GABRB3: variants seen among roughly 807,000 people sequenced by gnomAD.
GABRB3 encodes gamma-aminobutyric acid receptor subunit beta-3.
Under a neutral mutation model 52.1 loss-of-function variants are expected in GABRB3, and 14 were observed. The observed-to-expected ratio is 0.27, with a 90% CI of 0.18 to 0.42. The LOEUF (loss-of-function observed/expected upper bound fraction) is 0.42. Ranked by LOEUF, GABRB3 falls within the 10% of genes least tolerant of loss-of-function variation. The pLI is 1.00. For missense variants in GABRB3, 307 were observed against 609.1 expected (o/e 0.50, Z 5.22); for synonymous variants, 260 against 232.3 (o/e 1.12, Z -1.08).
intron 4 of GABRB3, among the ~76,000 whole-genome samples, chr15:26,587,588 A>G (rs1423500145): frequency 6.6e-6 from 1 of 152,106 alleles, no homozygotes; most frequent in African/African-American, 2.4e-5. Context: ...TGTTGCAGAA[A>G]TCATCGAATG....
At chr15:26,620,768 G>A (rs1376552817) in intron 4 of GABRB3, among the ~76,000 whole-genome samples, 2 of 146,596 alleles carry the variant, frequency 1.4e-5, no homozygotes, top group Non-Finnish European at 1.5e-5. Flanking sequence ...CTGGGACTCA[G>A]GAAGGCAGCC....
At chr15:26,634,724 A>G (rs1892999152) in intron 3 of GABRB3, among the ~76,000 whole-genome samples, 1 of 151,860 alleles carries the variant, frequency 6.6e-6, no homozygotes, top group African/African-American at 2.4e-5. Flanking sequence ...TATAATATGA[A>G]TGAATTTCTG....
intron 3 of GABRB3, among the ~76,000 whole-genome samples, chr15:26,739,813 C>T (rs938063785): frequency 6.6e-6 from 1 of 152,154 alleles, no homozygotes; most frequent in Non-Finnish European, 1.5e-5. Flanking sequence ...GACTATCCAT[C>T]GTTTATCTTT....
chr15:26,551,029 A>G (rs1889443894), intron 8 of GABRB3, among the ~76,000 whole-genome samples: 2 of 152,224 alleles, frequency 1.3e-5, no homozygotes, highest in African/African-American at 4.8e-5. Context: ...GAGAAAGGCA[A>G]ACACCGTTCC....
chr15:26,599,347 G>T (rs1421411768), intron 4 of GABRB3, among the ~76,000 whole-genome samples: 1 of 152,116 alleles, frequency 6.6e-6, no homozygotes, highest in Admixed American at 6.5e-5. Flanking sequence ...CAACAAAAAG[G>T]TGATTCCACA....
At chr15:26,727,681 C>G (rs529276746) in intron 3 of GABRB3, among the ~76,000 whole-genome samples, 4 of 152,176 alleles carry the variant, frequency 2.6e-5, no homozygotes, top group African/African-American at 9.7e-5. Flanking sequence ...TCTCAGCCAT[C>G]GCTGTAGCCA....
chr15:26,761,976 G>A (rs1207750669), intron 3 of GABRB3, among the ~76,000 whole-genome samples: 3 of 152,146 alleles, frequency 2.0e-5, no homozygotes, highest in Non-Finnish European at 2.9e-5. Flanking sequence ...GGGATTACAG[G>A]AGAGTGCAAT....
rs563940454 is a variant in GABRB3, at chr15:26,768,021, TA to T, written c.240+4380del. Among the ~76,000 whole-genome samples the T allele has an allele frequency of 2.0e-3, 305 of 151,938 alleles. 1 individual carries two copies. Among genetic ancestry groups the T allele is most frequent in the African/African-American group, 6.4e-3 (267 of 41,444 alleles). The stretch of plus-strand genomic sequence containing the variant: ...GCACACTTATTTCACACCTACACAT[TA>T]AAAAAATGGATTTTATAAGAAAATG... On this transcript the variant is annotated intron_variant, in intron 3 of 8. Coordinates refer to ENST00000311550, the MANE Select transcript of GABRB3 (RefSeq NM_000814.6).
intron 3 of GABRB3, among the ~76,000 whole-genome samples, chr15:26,724,825 G>T (rs927833520): frequency 6.6e-6 from 1 of 152,072 alleles, no homozygotes; most frequent in Admixed American, 6.5e-5. Flanking sequence ...ATAAATTCTT[G>T]TTCCCTTTGC....
intron 3 of GABRB3, chr15:26,642,459 G>A (rs1819429035): frequency 2.3e-6 from 3 of 1,287,836 alleles, no homozygotes; most frequent in Non-Finnish European, 3.0e-6. Context: ...TCCTGGAAAG[G>A]AAAAAATGAA....
intron 3 of GABRB3, among the ~76,000 whole-genome samples, chr15:26,730,372 C>T (rs1273690708): frequency 1.4e-5 from 2 of 142,760 alleles, no homozygotes; most frequent in African/African-American, 5.2e-5. Context: ...GAGCCGAGAT[C>T]GCGCCACTGC....
intron 3 of GABRB3, among the ~76,000 whole-genome samples, chr15:26,628,265 A>T (rs994954305): frequency 6.6e-6 from 1 of 152,262 alleles, no homozygotes; most frequent in Non-Finnish European, 1.5e-5. Context: ...AACCTGCAGT[A>T]TCTCTGAGGG....
At chr15:26,668,404 T>C (rs1156838898) in intron 3 of GABRB3, among the ~76,000 whole-genome samples, 1 of 152,224 alleles carries the variant, frequency 6.6e-6, no homozygotes, top group Non-Finnish European at 1.5e-5. Context: ...AAGCTCTTAC[T>C]ACATGAGGCC....
intron 3 of GABRB3, among the ~76,000 whole-genome samples, chr15:26,738,131 G>A (rs1158521928): frequency 6.6e-6 from 1 of 152,094 alleles, no homozygotes; most frequent in Non-Finnish European, 1.5e-5. Context: ...CGCCTGGGCT[G>A]GAGTGCAATG....
At chr15:26,678,199 A>T (rs1194865134) in intron 3 of GABRB3, among the ~76,000 whole-genome samples, 1 of 152,216 alleles carries the variant, frequency 6.6e-6, no homozygotes, top group Non-Finnish European at 1.5e-5. Flanking sequence ...TATCTTCACC[A>T]ACCACAGCAA....
At chr15:26,564,928 T>TG (rs1890111187) in intron 7 of GABRB3, among the ~76,000 whole-genome samples, 1 of 152,236 alleles carries the variant, frequency 6.6e-6, no homozygotes, top group Non-Finnish European at 1.5e-5. Flanking sequence ...GGAGAAGGTC[T>TG]GGAAGTCATA....
At chr15:26,772,813 C>T (rs779143981) in intron 1 of GABRB3, 41 bp from the exon 2 acceptor site, 15 of 1,477,240 alleles carry the variant, frequency 1.0e-5, no homozygotes, top group Non-Finnish European at 1.4e-5. Flanking sequence ...GGGTCAGGGG[C>T]GGCTCAGCCG....
intron 3 of GABRB3, 144 bp downstream of exon 3, chr15:26,772,258 C>T: frequency 1.5e-6 from 1 of 672,080 alleles, no homozygotes; most frequent in Non-Finnish European, 2.4e-6. Context: ...AGCGAGGGGC[C>T]GGCGCCTGGG....
intron 3 of GABRB3, among the ~76,000 whole-genome samples, chr15:26,760,912 T>C (rs1288567773): frequency 6.6e-6 from 1 of 152,040 alleles, no homozygotes; most frequent in African/African-American, 2.4e-5. Context: ...TACTCACCCA[T>C]GATCACCAGC....
Sources: gnomAD v4.1 joint callset for allele counts (sites outside exome capture counted in the v4.1 genomes callset) on GRCh38, gnomAD v4.1.1 for gene constraint, MANE v1.5 for transcripts, NCBI Gene and HGNC (gene_info 2026-07-23, HGNC 2026-07-21) for gene names.